The following CDC14B variants were observed in gnomAD, a reference collection of about 807,000 sequenced individuals.
CDC14B encodes the protein cell division cycle 14B.
In CDC14B, 22 loss-of-function variants were observed where a neutral mutation model predicts 64.2. The observed-to-expected ratio is 0.34, with a 90% confidence interval of 0.24 to 0.49. The LOEUF (loss-of-function observed/expected upper bound fraction) is 0.49. CDC14B is among the 20% of genes least tolerant of loss of function. CDC14B has a pLI of 0.99. For missense variants in CDC14B, 498 were observed against 629.9 expected, an observed-to-expected ratio of 0.79 and a Z score of 2.24; for synonymous variants, 191 against 215.8, an observed-to-expected ratio of 0.89 and a Z score of 1.01.
intron 9 of CDC14B, among the ~76,000 whole-genome samples, chr9:96,526,376 AAAAG>A (rs1837567976): frequency 6.6e-6 from 1 of 152,188 alleles, no homozygotes; most frequent in East Asian, 1.9e-4. Context: ...TCAAAAAAAT[AAAAG>A]AAAGAGACGG....
chr9:96,492,538 G>C (rs148786160), exon 14 of CDC14B: 1 of 152,438 alleles, frequency 6.6e-6, no homozygotes, highest in Non-Finnish European at 1.5e-5. Flanking sequence ...GAGGTCAGGA[G>C]TTCGAGACCA....
At chr9:96,516,358 C>T (rs755912071) in intron 12 of CDC14B, among the ~76,000 whole-genome samples, 2 of 152,206 alleles carry the variant, frequency 1.3e-5, no homozygotes, top group Non-Finnish European at 1.5e-5. Flanking sequence ...CAGGGCAACA[C>T]AAAATGAGCA....
At chr9:96,612,672 G>A (rs1017837860) in intron 1 of CDC14B, among the ~76,000 whole-genome samples, 4 of 152,152 alleles carry the variant, frequency 2.6e-5, no homozygotes, top group African/African-American at 9.7e-5. Context: ...CGCAATATGC[G>A]ATATGGTTAC....
At chr9:96,554,920 T>G (rs1175490762) in intron 4 of CDC14B, among the ~76,000 whole-genome samples, 3 of 152,224 alleles carry the variant, frequency 2.0e-5, no homozygotes, top group Non-Finnish European at 4.4e-5. Flanking sequence ...TCTAAATTGA[T>G]GCAACTTATG....
intron 1 of CDC14B, among the ~76,000 whole-genome samples, chr9:96,576,280 CA>C (rs981031305): frequency 1.4e-5 from 2 of 145,448 alleles, no homozygotes; most frequent in South Asian, 2.2e-4. Flanking sequence ...AACTCCATCT[CA>C]AAAAAAAAGA....
chr9:96,545,553 C>T (rs761536628), intron 5 of CDC14B, among the ~76,000 whole-genome samples: 6 of 152,074 alleles, frequency 3.9e-5, no homozygotes, highest in Non-Finnish European at 5.9e-5. Context: ...CTCCTGACCT[C>T]GTGATCCACC....
intron 9 of CDC14B, among the ~76,000 whole-genome samples, 161 bp downstream of exon 9, chr9:96,533,766 A>G (rs538528657): frequency 9.1e-4 from 138 of 152,364 alleles, no homozygotes; most frequent in African/African-American, 3.3e-3. Flanking sequence ...ACTTATGAAA[A>G]TAAGTTACTA....
chr9:96,562,654 G>A (rs1157184921), intron 4 of CDC14B, 39 bp downstream of exon 4: 4 of 1,271,760 alleles, frequency 3.1e-6, no homozygotes, highest in Admixed American at 1.7e-5. Flanking sequence ...CCACTGTTGT[G>A]TGCATTTTTA....
chr9:96,578,962 C>A (rs573828220), intron 1 of CDC14B, among the ~76,000 whole-genome samples: 1 of 152,044 alleles, frequency 6.6e-6, no homozygotes. Flanking sequence ...GGATTACAGG[C>A]ATGTGCCACC....
chr9:96,510,523 T>C (rs567892181), intron 12 of CDC14B, among the ~76,000 whole-genome samples: 20 of 151,474 alleles, frequency 1.3e-4, no homozygotes, highest in Non-Finnish European at 2.4e-4. Context: ...AAGAGGCAGA[T>C]GGTCCTTTGG....
chr9:96,495,909 G>C (rs1341943179), downstream of CDC14B, among the ~76,000 whole-genome samples: 1 of 152,190 alleles, frequency 6.6e-6, no homozygotes, highest in African/African-American at 2.4e-5. Context: ...AGCACACCTG[G>C]GGTGTGTGGC....
Position 96,615,705 on chromosome 9 carries a change from C to T in CDC14B, c.160+3514G>A, listed in dbSNP as rs187906524. ...TCTGACAGTTCCTTAAAACATTAAA[C>T]GTGGAGATACCATGTGATCCTGCCA... On this transcript the variant is annotated intron_variant, in intron 1 of 13. Coordinates refer to ENST00000375241, the MANE Select transcript of CDC14B (RefSeq NM_033331.4). Among the ~76,000 whole-genome samples, 546 of 152,242 alleles carry T rather than the reference C, an allele frequency of 3.6e-3. 11 individuals are homozygous for T. The highest frequency in any genetic ancestry group is 0.031 in the Admixed American group (479 of 15,284).
At chr9:96,496,725 C>T (rs1833258992), downstream of CDC14B, among the ~76,000 whole-genome samples, 1 of 152,270 alleles carries the variant, frequency 6.6e-6, no homozygotes, top group South Asian at 2.1e-4. Flanking sequence ...GGAGGAGGTG[C>T]AGCGGACCCG....
At position 96,565,497 on chromosome 9, in the gene CDC14B, A is replaced by C. The variant is rs1843781355; in HGVS notation, c.161-14T>G. 1.3e-6 allele frequency: 2 copies of C among 1,546,630 alleles called. No homozygotes were observed. The highest frequency in any genetic ancestry group is 8.9e-7 in the Non-Finnish European group (1 of 1,118,632). On this transcript the variant is annotated splice_polypyrimidine_tract_variant and intron_variant, in intron 1 of 13. Transcript: ENST00000375241. ...AACAAAGGCGATCTGAAATGGAAAAATTGCAATGTTCCTTCCTGGAGGTTA... is the reference window on the plus strand; with the variant it reads ...AACAAAGGCGATCTGAAATGGAAAACTTGCAATGTTCCTTCCTGGAGGTTA...
intron 4 of CDC14B, among the ~76,000 whole-genome samples, chr9:96,560,969 C>T (rs183843398): frequency 6.6e-6 from 1 of 151,130 alleles, no homozygotes; most frequent in East Asian, 2.0e-4. Context: ...AAGTCTCACT[C>T]ACTGTCACCC....
At position 96,509,754 on chromosome 9, in the gene CDC14B, G is replaced by A. The variant is rs778632536; in HGVS notation, c.1379C>T (p.Thr460Ile). Reference protein sequence around the residue: ...ILQSSVQSCKTSEPNISGSAG... With the variant: ...ILQSSVQSCKISEPNISGSAG... ...ACTGCCAGAAATGTTAGGTTCAGAT[G>A]TTTTACAGCTCTGAACACTGGATTG... is the stretch of plus-strand genomic sequence containing the variant. Residue 460 changes from threonine (T) to isoleucine (I), a missense_variant, in exon 13 of 14, where the codon ACA (threonine) becomes ATA (isoleucine). By Grantham distance (89) the Thr-to-Ile change is moderately conservative. Coordinates refer to ENST00000375241, the MANE Select transcript of CDC14B (RefSeq NM_033331.4). The A allele has an allele frequency of 5.0e-6, 8 of 1,610,830 alleles. No homozygotes were observed. The highest frequency in any genetic ancestry group is 1.3e-5 in the African/African-American group (1 of 74,822).
chr9:96,612,435 C>T (rs1347154939), intron 1 of CDC14B, among the ~76,000 whole-genome samples: 2 of 152,202 alleles, frequency 1.3e-5, no homozygotes, highest in East Asian at 1.9e-4. Flanking sequence ...TCAAGCCAGG[C>T]ACTTCATATG....
chr9:96,601,642 A>C (rs930490734), intron 1 of CDC14B, among the ~76,000 whole-genome samples: 1 of 150,508 alleles, frequency 6.6e-6, no homozygotes. Flanking sequence ...AAACTACAAA[A>C]ATTAGCCGGG....
chr9:96,567,119 G>A (rs1373006445), intron 1 of CDC14B: 7 of 610,260 alleles, frequency 1.1e-5, no homozygotes, highest in African/African-American at 9.5e-5. Flanking sequence ...CTGGGAACGC[G>A]GGGCGGCCTG....
Sources: allele counts gnomAD v4.1 joint callset (sites outside exome capture counted in the v4.1 genomes callset), GRCh38; gene constraint gnomAD v4.1.1; transcripts MANE v1.5; gene names NCBI Gene and HGNC (gene_info 2026-07-23, HGNC 2026-07-21).